GPR179: variants seen among roughly 807,000 people sequenced by gnomAD.
GPR179 encodes probable G protein-coupled receptor 179.
Under a neutral mutation model 70.8 loss-of-function variants are expected in GPR179, and 52 were observed. The ratio of observed to expected loss-of-function variants is 0.73; its 90% CI spans 0.59 to 0.93. The LOEUF is 0.93. Ranked by LOEUF, GPR179 falls within the 40% of genes least tolerant of loss-of-function variation. The pLI is 0.00. For missense variants in GPR179, 2,734 were observed against 2,966.8 expected, an observed-to-expected ratio of 0.92 and a Z score of 1.82; for synonymous variants, 1,123 against 1,169.0, an observed-to-expected ratio of 0.96 and a Z score of 0.80.
Position 38,331,303 on chromosome 17 carries a change from T to TGAGGAGCCGGCGGCGG in GPR179, c.2250_2265dup (p.Ser756ProfsTer26). The stretch of plus-strand genomic sequence containing the variant: ...CCCTCGGGTTCCTGGAGGCTGGAGC[T>TGAGGAGCCGGCGGCGG]GAGGAGCCGGCGGCGGGAGGAGCCG... On this transcript the variant is annotated frameshift_variant, in exon 11 of 11. Coordinates refer to ENST00000616987, the MANE Select transcript of GPR179 (RefSeq NM_001004334.4). LOFTEE classifies it low-confidence loss of function (END_TRUNC). 6.2e-7 allele frequency: 1 copy of TGAGGAGCCGGCGGCGG among 1,602,746 alleles called. No homozygotes were observed. The highest frequency in any genetic ancestry group is 8.5e-7 in the Non-Finnish European group (1 of 1,175,236).
Position 38,335,641 on chromosome 17 carries a change from C to T in GPR179, c.1356G>A (p.Arg452=), listed in dbSNP as rs1453179059. Residue 452 remains arginine (R), a synonymous_variant, in exon 6 of 11, where the codon CGG becomes CGA. Coordinates refer to ENST00000616987, the MANE Select transcript of GPR179 (RefSeq NM_001004334.4). ...VFRCIALRWV[R]LLGFAIVYGT... ...CGTAGACGATGGCAAAACCCAGCAGCCGCACCCAGCGAAGAGCGATGCAGC... is the reference window on the plus strand; with the variant it reads ...CGTAGACGATGGCAAAACCCAGCAGTCGCACCCAGCGAAGAGCGATGCAGC... 4 of 1,614,122 alleles carry T rather than the reference C, an allele frequency of 2.5e-6. No individual in the cohort carries two copies.
chr17:38,329,256 G>A lies in GPR179; in HGVS notation c.4313C>T (p.Pro1438Leu). 6.2e-7 allele frequency: 1 copy of A among 1,613,628 alleles called. No individual in the cohort carries two copies. Among genetic ancestry groups the A allele is most frequent in the South Asian group, 1.1e-5 (1 of 91,018 alleles). The change falls in exon 11 of 11, where the codon CCC becomes CTC. Residue 1438 changes from proline (P) to leucine (L), a missense_variant. Coordinates refer to ENST00000616987, the MANE Select transcript of GPR179 (RefSeq NM_001004334.4). ...CPWESTDFRGPSAVSIQAPGS... is the reference protein window; with the variant it reads ...CPWESTDFRGLSAVSIQAPGS... ...TGGGGCCTGAATTGAGACTGCTGAG[G>A]GGCCCCGGAAATCTGTACTCTCCCA...
At position 38,336,066 on chromosome 17, in the gene GPR179, A is replaced by G; in HGVS notation, c.1296+10T>C. ...TGGAAGGTGGGGCCAGCCTGTGGCC[A>G]CAGACTCACAGGAAAGTAAAGCAGC... is the stretch of plus-strand genomic sequence containing the variant. On this transcript the variant is annotated intron_variant, in intron 5 of 10. Transcript: ENST00000616987. 6.2e-7 allele frequency: 1 copy of G among 1,603,566 alleles called. No individual in the cohort carries two copies. Among genetic ancestry groups the G allele is most frequent in the Non-Finnish European group, 8.5e-7 (1 of 1,170,378 alleles).
rs1036520617 is a variant in GPR179 at position 38,328,994 on chromosome 17, C to T, written c.4575G>A (p.Val1525=). The change falls in exon 11 of 11, where the codon GTG becomes GTA. Residue 1525 remains valine, a synonymous_variant. Coordinates refer to ENST00000616987, the MANE Select transcript of GPR179 (RefSeq NM_001004334.4). ...GEMGEQTVKA[V]QKLSQQQESV... The stretch of plus-strand genomic sequence containing the variant: ...ACTCCTGCTGTTGACTTAATTTCTG[C>T]ACTGCTTTCACAGTTTGTTCCCCCA... The T allele has an allele frequency of 3.7e-6, 6 of 1,614,098 alleles. No homozygotes were observed. In the African/African-American group the frequency reaches 8.0e-5, roughly 22 times the overall value.
chr17:38,337,563 TC>T, intron 3 of GPR179, 69 bp downstream of exon 3: 2 of 1,352,154 alleles, frequency 1.5e-6, no homozygotes, highest in South Asian at 2.4e-5. Context: ...CTGGCTTTCT[TC>T]CCCAGATGTA....
chr17:38,328,012 T>C lies in GPR179; in HGVS notation c.5557A>G (p.Thr1853Ala). Residue 1853 changes from threonine (T) to alanine (A), a missense_variant, in exon 11 of 11, where the codon ACT becomes GCT. Physicochemically the swap from Thr to Ala is moderately conservative, Grantham distance 58. Transcript: ENST00000616987. ...REKALEKGRL[T>A]SLGEDVSKGM... is the part of the protein sequence containing the mutation. Reference sequence around the variant, plus strand: ...TTTGATACGTCTTCTCCCAGGGAAGTGAGTCTCCCCTTTTCTAGAGCTTTC... The same window carrying C: ...TTTGATACGTCTTCTCCCAGGGAAGCGAGTCTCCCCTTTTCTAGAGCTTTC... 1 of 1,614,088 alleles carries C rather than the reference T, an allele frequency of 6.2e-7. No homozygotes were observed. Among genetic ancestry groups the C allele is most frequent in the Non-Finnish European group, 8.5e-7 (1 of 1,179,956 alleles).
intron 6 of GPR179, among the ~76,000 whole-genome samples, 155 bp from the exon 7 acceptor site, chr17:38,335,426 C>T (rs1435756316): frequency 1.3e-5 from 2 of 152,200 alleles, no homozygotes; most frequent in Non-Finnish European, 2.9e-5. Flanking sequence ...TTGCTACCCC[C>T]CCACAAAGTA....
chr17:38,327,076 T>G lies in GPR179; in HGVS notation c.6493A>C (p.Thr2165Pro). Residue 2165 changes from threonine (T) to proline (P), a missense_variant, in exon 11 of 11, where the codon ACG becomes CCG. Physicochemically the swap from Thr to Pro is conservative, Grantham distance 38. Transcript: ENST00000616987. ...GCTGCTTTTGAGAAGTGTTCTTCCG[T>G]CCCTCCAGGTCCTGCCTTCTGAAGG... is the stretch of plus-strand genomic sequence containing the variant. Reference protein sequence around the residue: ...MFLQKAGPGGTEEHFSKAAAK... With the variant: ...MFLQKAGPGGPEEHFSKAAAK... The G allele has an allele frequency of 6.2e-7, 1 of 1,614,198 alleles. No homozygotes were observed. The highest frequency in any genetic ancestry group is 1.7e-5 in the Admixed American group (1 of 60,028).
Position 38,327,039 on chromosome 17 carries a change from C to G in GPR179, c.6530G>C (p.Arg2177Thr), listed in dbSNP as rs199518600. The stretch of plus-strand genomic sequence containing the variant: ...CCCAGGGCAGACTGCCTCCTGCTCT[C>G]TGGGCTTTGCTGCTGCTTTTGAGAA... ...EHFSKAAAKP[R>T]EQEAVCPGEG... The change falls in exon 11 of 11, where the codon AGA becomes ACA. Residue 2177 changes from arginine to threonine, a missense_variant. Coordinates refer to ENST00000616987, the MANE Select transcript of GPR179 (RefSeq NM_001004334.4). 77 of 1,614,256 alleles carry G rather than the reference C, an allele frequency of 4.8e-5. No individual in the cohort carries two copies. In the Middle Eastern group the frequency reaches 6.6e-4, roughly 14 times the overall value.
rs1191035588 is a variant in GPR179, at chr17:38,329,492, C to T, written c.4077G>A (p.Glu1359=). The change falls in exon 11 of 11, where the codon GAG becomes GAA. Residue 1359 remains glutamate (E), a synonymous_variant. Transcript: ENST00000616987. ...AGDSVEARKV[E]KPGWEAAGPE... ...GGCCAGCAGCTTCCCACCCAGGCTT[C>T]TCCACCTTCCTGGCCTCCACACTGT... 1.2e-6 allele frequency: 2 copies of T among 1,614,068 alleles called. No homozygotes were observed. Among genetic ancestry groups the T allele is most frequent in the Non-Finnish European group, 1.7e-6 (2 of 1,180,014 alleles).
At position 38,343,796 on chromosome 17, in the gene GPR179, G is replaced by A; in HGVS notation, c.-7C>T. On this transcript the variant is annotated 5_prime_UTR_variant, in exon 1 of 11. Transcript: ENST00000616987. This position sits in a 1 kb window ranked among gnomAD's most constrained non-coding sequence, Gnocchi z 4.2. ...CCGCTCCCCTGGTGCCCATCCTTGG[G>A]GCAGCTCTCAGGACCCTGGGGTCCA... 1.3e-6 allele frequency: 2 copies of A among 1,493,710 alleles called. No individual in the cohort carries two copies. Among genetic ancestry groups the A allele is most frequent in the Non-Finnish European group, 1.8e-6 (2 of 1,125,328 alleles). 92.5% of individuals were successfully genotyped at this position (1,493,710 alleles called of 1,614,324 possible).
intron 9 of GPR179, 75 bp downstream of exon 9, chr17:38,333,858 G>A (rs972044589): frequency 3.4e-5 from 40 of 1,170,288 alleles, no homozygotes; most frequent in South Asian, 1.6e-4. Flanking sequence ...AGAGGGCGCT[G>A]CGGGACAACC....
In GPR179 at chr17:38,329,556, T is replaced by C. The variant is rs1268852928; in HGVS notation, c.4013A>G (p.Gln1338Arg). Residue 1338 changes from glutamine (Q) to arginine (R), a missense_variant, in exon 11 of 11, where the codon CAG becomes CGG. Transcript: ENST00000616987. The stretch of plus-strand genomic sequence containing the variant: ...TTTGTCTCTGATTCTGCCAGGGTCC[T>C]GAGGAGCTGACCCAGGGGACAGACC... ...RGGLSPGSAP[Q>R]DPGRIRDKSE... 1 of 1,614,056 alleles carries C rather than the reference T, an allele frequency of 6.2e-7. No individual in the cohort carries two copies. Among genetic ancestry groups the C allele is most frequent in the South Asian group, 1.1e-5 (1 of 91,076 alleles).
rs111770829 is a variant in GPR179 at position 38,331,529 on chromosome 17, G to T, written c.2040C>A (p.Asp680Glu). ...GCTGGGCATAGAGCTTCTTCAGCTCGTCCTGTGGGGCAGCAGGGAGGAAAG... is the reference window on the plus strand; with the variant it reads ...GCTGGGCATAGAGCTTCTTCAGCTCTTCCTGTGGGGCAGCAGGGAGGAAAG... ...EHSLDPGDIR[D>E]ELKKLYAQLE... is the part of the protein sequence containing the mutation. Residue 680 changes from aspartate (D) to glutamate (E), a missense_variant and splice_region_variant, in exon 11 of 11, where the codon GAC becomes GAA. Physicochemically the swap from Asp to Glu is conservative, Grantham distance 45. Coordinates refer to ENST00000616987, the MANE Select transcript of GPR179 (RefSeq NM_001004334.4). The T allele has an allele frequency of 6.3e-7, 1 of 1,597,960 alleles. No individual in the cohort carries two copies. The highest frequency in any genetic ancestry group is 2.2e-5 in the East Asian group (1 of 44,542).
chr17:38,334,157 TCTGCCCTCTC>T lies in GPR179; in HGVS notation c.1785-129_1785-120del, dbSNP rs2037383478. The T allele has an allele frequency of 1.3e-6, 1 of 751,848 alleles. No individual in the cohort carries two copies. Among genetic ancestry groups the T allele is most frequent in the Non-Finnish European group, 2.4e-6 (1 of 424,048 alleles). 46.6% of individuals were successfully genotyped at this position (751,848 alleles called of 1,614,324 possible). On this transcript the variant is annotated intron_variant, in intron 8 of 10. Transcript: ENST00000616987. This position sits in a 1 kb window ranked among gnomAD's most constrained non-coding sequence, Gnocchi z 4.7. The stretch of plus-strand genomic sequence containing the variant: ...TGATACGCTTAGGACGAGGGGGCAT[TCTGCCCTCTC>T]CTGCCCTCTCCAGGATTTAGGTCCC...
chr17:38,327,445 G>A lies in GPR179; in HGVS notation c.6124C>T (p.Gln2042Ter). The A allele has an allele frequency of 6.2e-7, 1 of 1,614,180 alleles. No homozygotes were observed. ...VSRQDGKGDS[Q>*]EEKGRAPEKS... ...TCTGGGGCTCTGCCTTTCTCTTCTT[G>A]AGAGTCCCCTTTTCCATCCTGCCTT... Residue 2042 changes from glutamine to a stop codon, truncating the protein, a stop_gained, in exon 11 of 11, where the codon CAA (glutamine) becomes TAA (stop). Coordinates refer to ENST00000616987, the MANE Select transcript of GPR179 (RefSeq NM_001004334.4). LOFTEE classifies it low-confidence loss of function (END_TRUNC).
chr17:38,330,965 C>G lies in GPR179; in HGVS notation c.2604G>C (p.Glu868Asp), dbSNP rs201214109. Reference sequence around the variant, plus strand: ...CCTTGGCCTTCTTCCGCTCCTCCCGCTCCTTTGCTTGCCGGTAGGTCTCCT... The same window carrying G: ...CCTTGGCCTTCTTCCGCTCCTCCCGGTCCTTTGCTTGCCGGTAGGTCTCCT... Reference protein sequence around the residue: ...YLEETYRQAKEREERKKAKAA... With the variant: ...YLEETYRQAKDREERKKAKAA... Residue 868 changes from glutamate to aspartate, a missense_variant, in exon 11 of 11, where the codon GAG (glutamate) becomes GAC (aspartate). Coordinates refer to ENST00000616987, the MANE Select transcript of GPR179 (RefSeq NM_001004334.4). 4.0e-3 allele frequency: 6,494 copies of G among 1,612,256 alleles called. 40 individuals are homozygous for G. The highest frequency in any genetic ancestry group is 4.3e-3 in the Non-Finnish European group (5,064 of 1,179,574).
Position 38,329,172 on chromosome 17 carries a change from T to C in GPR179, c.4397A>G (p.Glu1466Gly). ...GSGIAEVCLW[E>G]AGDAPAIQKA... ...CTGGATAGCAGGAGCATCTCCTGCCTCCCACAGACACACTTCAGCAATGCC... is the reference window on the plus strand; with the variant it reads ...CTGGATAGCAGGAGCATCTCCTGCCCCCCACAGACACACTTCAGCAATGCC... The change falls in exon 11 of 11, where the codon GAG becomes GGG. Residue 1466 changes from glutamate (E) to glycine (G), a missense_variant. By Grantham distance (98) the Glu-to-Gly change is moderately conservative (BLOSUM62 -2). Coordinates refer to ENST00000616987, the MANE Select transcript of GPR179 (RefSeq NM_001004334.4). The C allele has an allele frequency of 6.2e-7, 1 of 1,613,942 alleles. No individual in the cohort carries two copies.
chr17:38,330,856 G>A lies in GPR179; in HGVS notation c.2713C>T (p.Pro905Ser), dbSNP rs369759200. ...CTGTCCACGCTGCTGCTCTTGGCAG[G>A]GGAAGGTGGAGCTGACAGGGGGGCC... is the stretch of plus-strand genomic sequence containing the variant. ...RGAPLSAPPSPAKSSSVDSSH... is the reference protein window; with the variant it reads ...RGAPLSAPPSSAKSSSVDSSH... Residue 905 changes from proline to serine, a missense_variant, in exon 11 of 11, where the codon CCT becomes TCT. Transcript: ENST00000616987. The A allele has an allele frequency of 1.1e-5, 17 of 1,602,084 alleles. No individual in the cohort carries two copies. Among genetic ancestry groups the A allele is most frequent in the Non-Finnish European group, 1.4e-5 (17 of 1,174,634 alleles).
Sources: gnomAD v4.1 joint callset for allele counts (sites outside exome capture counted in the v4.1 genomes callset) on GRCh38, gnomAD v4.1.1 for gene constraint, Gnocchi (gnomAD v3.1) non-coding constraint, MANE v1.5 for transcripts, NCBI Gene and HGNC (gene_info 2026-07-23, HGNC 2026-07-21) for gene names.